BIRC3: variants seen among roughly 807,000 people sequenced by gnomAD.
BIRC3 encodes baculoviral IAP repeat-containing protein 3.
Under a neutral mutation model 59.0 loss-of-function variants are expected in BIRC3, and 26 were observed. The ratio of observed to expected loss-of-function variants is 0.44; its 90% CI spans 0.32 to 0.61. The LOEUF is 0.61. Ranked by LOEUF, BIRC3 falls within the 20% of genes least tolerant of loss-of-function variation. The pLI is 0.04. For missense variants in BIRC3, 641 were observed against 711.5 expected (o/e 0.90, Z 1.13); for synonymous variants, 243 against 249.2 (o/e 0.98, Z 0.24).
Position 102,325,499 on chromosome 11 carries a change from A to G in BIRC3, c.887A>G (p.Asp296Gly), listed in dbSNP as rs200850963. 4 of 1,612,744 alleles carry G rather than the reference A, an allele frequency of 2.5e-6. No individual in the cohort carries two copies. Among genetic ancestry groups the G allele is most frequent in the South Asian group, 1.1e-5 (1 of 90,812 alleles). Reference protein sequence around the residue: ...NSDDVKCFCCDGGLRCWESGD... With the variant: ...NSDDVKCFCCGGGLRCWESGD... ...GATGATGTCAAATGCTTTTGCTGTG[A>G]TGGTGGACTCAGGTGTTGGGAATCT... Residue 296 changes from aspartate to glycine, a missense_variant, in exon 3 of 9, where the codon GAT becomes GGT. This residue lies in a region of BIRC3 where 329 missense variants were observed against 365.6 expected (regional missense o/e 0.90). Transcript: ENST00000263464.
At chr11:102,318,680 C>T (rs1314379499) in intron 1 of BIRC3, among the ~76,000 whole-genome samples, 1 of 152,096 alleles carries the variant, frequency 6.6e-6, no homozygotes, top group Non-Finnish European at 1.5e-5. Context: ...GGGAGGTTGC[C>T]TTCTTGGTAG....
intron 6 of BIRC3, 128 bp from the exon 7 acceptor site, chr11:102,335,838 G>A: frequency 1.1e-6 from 1 of 927,040 alleles, no homozygotes; most frequent in South Asian, 1.8e-5. Context: ...CCTAAACCTA[G>A]CAATCAACAT....
chr11:102,320,789 A>T (rs1364257104), intron 1 of BIRC3, among the ~76,000 whole-genome samples: 1 of 152,258 alleles, frequency 6.6e-6, no homozygotes, highest in Non-Finnish European at 1.5e-5. Flanking sequence ...TTCAATGACA[A>T]ATAGCAACAG....
At position 102,323,864 on chromosome 11, in the gene BIRC3, TATG is replaced by T. The variant is rs1463023740; in HGVS notation, c.-642_-640del. 9.9e-6 allele frequency: 2 copies of T among 201,018 alleles called. No individual in the cohort carries two copies. The highest frequency in any genetic ancestry group is 2.0e-5 in the Non-Finnish European group (2 of 97,776). The allele number at this position is 201,018 out of a possible 1,614,324, so 12.5% of individuals were successfully genotyped here. On this transcript the variant is annotated 5_prime_UTR_variant, in exon 2 of 9. The change abolishes an upstream ATG in the 5' untranslated region. Coordinates refer to ENST00000263464, the MANE Select transcript of BIRC3 (RefSeq NM_001165.5). ...GAAATAAAAGTGCTTCTAATTAAAA[TATG>T]ATGTCATTAATTATGAAATACTTCT...
At position 102,324,815 on chromosome 11, in the gene BIRC3, TAAC is replaced by T; in HGVS notation, c.310_312del (p.Asn104del). On this transcript the variant is annotated inframe_deletion, in exon 2 of 9. Transcript: ENST00000263464. ...GATTCGTTCAGAGTCTAAATTCCGT[TAAC>T]AACTTGGAAGCTACCTCTCAGCCTA... is the stretch of plus-strand genomic sequence containing the variant. The T allele has an allele frequency of 6.2e-7, 1 of 1,614,198 alleles. No homozygotes were observed. Among genetic ancestry groups the T allele is most frequent in the South Asian group, 1.1e-5 (1 of 91,082 alleles).
chr11:102,335,737 C>T (rs1432230516), intron 6 of BIRC3, among the ~76,000 whole-genome samples: 1 of 152,086 alleles, frequency 6.6e-6, no homozygotes, highest in Non-Finnish European at 1.5e-5. Context: ...CTACCTCAGC[C>T]TCCCAAGTAG....
At chr11:102,328,238 C>T (rs1951104365) in intron 4 of BIRC3, 108 bp downstream of exon 4, 2 of 844,816 alleles carry the variant, frequency 2.4e-6, no homozygotes, top group South Asian at 1.6e-5. Context: ...TTTAGAAATA[C>T]ATTTTCTTTT....
At position 102,328,951 on chromosome 11, in the gene BIRC3, T is replaced by G. The variant is rs1951112585; in HGVS notation, c.1081+6T>G. Reference sequence around the variant, plus strand: ...TGAAAATGCAGAGTCATCAAGTAAGTACAATGGATAATAATGAATGCATTT... The same window carrying G: ...TGAAAATGCAGAGTCATCAAGTAAGGACAATGGATAATAATGAATGCATTT... On this transcript the variant is annotated splice_donor_region_variant and intron_variant, in intron 5 of 8. Transcript: ENST00000263464. 2.7e-6 allele frequency: 4 copies of G among 1,459,690 alleles called. No individual in the cohort carries two copies. Among genetic ancestry groups the G allele is most frequent in the Non-Finnish European group, 3.6e-6 (4 of 1,104,010 alleles). The allele number at this position is 1,459,690 out of a possible 1,614,324, so 90.4% of individuals were successfully genotyped here.
At position 102,323,838 on chromosome 11, in the gene BIRC3, A is replaced by C. The variant is rs1029220875; in HGVS notation, c.-672A>C. 3 of 200,818 alleles carry C rather than the reference A, an allele frequency of 1.5e-5. No individual in the cohort carries two copies. The highest frequency in any genetic ancestry group is 3.1e-5 in the Non-Finnish European group (3 of 97,648). The allele number at this position is 200,818 out of a possible 1,614,324, so 12.4% of individuals were successfully genotyped here. On this transcript the variant is annotated 5_prime_UTR_variant, in exon 2 of 9. Coordinates refer to ENST00000263464, the MANE Select transcript of BIRC3 (RefSeq NM_001165.5). Reference sequence around the variant, plus strand: ...CTTACCATTATTTTACGTACCTCTAAGAAATAAAAGTGCTTCTAATTAAAA... The same window carrying C: ...CTTACCATTATTTTACGTACCTCTACGAAATAAAAGTGCTTCTAATTAAAA...
chr11:102,327,724 A>G (rs983023800), intron 3 of BIRC3, among the ~76,000 whole-genome samples: 4 of 152,208 alleles, frequency 2.6e-5, no homozygotes, highest in African/African-American at 9.6e-5. Flanking sequence ...TGTATGAAAA[A>G]TGTTGACTGT....
Position 102,325,522 on chromosome 11 carries a change from T to A in BIRC3, c.910T>A (p.Ser304Thr). 3 of 1,613,100 alleles carry A rather than the reference T, an allele frequency of 1.9e-6. No individual in the cohort carries two copies. Among genetic ancestry groups the A allele is most frequent in the Non-Finnish European group, 2.5e-6 (3 of 1,179,368 alleles). ...TGATGGTGGACTCAGGTGTTGGGAA[T>A]CTGGAGATGATCCATGGGTTCAACA... Reference protein sequence around the residue: ...CCDGGLRCWESGDDPWVQHAK... With the variant: ...CCDGGLRCWETGDDPWVQHAK... The change falls in exon 3 of 9, where the codon TCT (serine) becomes ACT (threonine). Residue 304 changes from serine to threonine, a missense_variant. By Grantham distance (58) the Ser-to-Thr change is moderately conservative (BLOSUM62 1). This residue lies in a region of BIRC3 where 329 missense variants were observed against 365.6 expected (regional missense o/e 0.90). Transcript: ENST00000263464.
chr11:102,331,047 T>G lies in BIRC3; in HGVS notation c.1130T>G (p.Met377Arg), dbSNP rs768458534. ...GACCATTCAGAAGATGCAATCATGA[T>G]GAATACTCCTGTGATTAATGCTGCC... ...GEDHSEDAIM[M>R]NTPVINAAVE... The change falls in exon 6 of 9, where the codon ATG (methionine) becomes AGG (arginine). Residue 377 changes from methionine to arginine, a missense_variant. By Grantham distance (91) the Met-to-Arg change is moderately conservative (BLOSUM62 -1). Coordinates refer to ENST00000263464, the MANE Select transcript of BIRC3 (RefSeq NM_001165.5). 11 of 1,613,708 alleles carry G rather than the reference T, an allele frequency of 6.8e-6. No individual in the cohort carries two copies. Among genetic ancestry groups the G allele is most frequent in the Non-Finnish European group, 9.3e-6 (11 of 1,179,838 alleles).
intron 1 of BIRC3, among the ~76,000 whole-genome samples, chr11:102,318,197 A>G (rs1591517211): frequency 6.6e-6 from 1 of 152,160 alleles, no homozygotes; most frequent in East Asian, 1.9e-4. Flanking sequence ...CTTTACATGT[A>G]TTTTTCACGT....
rs1951055192 is a variant in BIRC3, at chr11:102,323,794, A to C, written c.-716A>C. On this transcript the variant is annotated 5_prime_UTR_variant, in exon 2 of 9. Coordinates refer to ENST00000263464, the MANE Select transcript of BIRC3 (RefSeq NM_001165.5). The stretch of plus-strand genomic sequence containing the variant: ...ATATATCATATTTCACTGAATTCAA[A>C]ATGTCTTCAGTTGTAAATCTTACCA... The C allele has an allele frequency of 5.0e-6, 1 of 200,588 alleles. No homozygotes were observed. The highest frequency in any genetic ancestry group is 1.9e-4 in the South Asian group (1 of 5,246). 12.4% of individuals were successfully genotyped at this position (200,588 alleles called of 1,614,324 possible). A position where few individuals can be genotyped will look rare whatever the true frequency, so the allele number is the denominator to read the frequency against.
chr11:102,337,990 C>G lies in BIRC3; in HGVS notation c.*888C>G, dbSNP rs1951214602. On this transcript the variant is annotated 3_prime_UTR_variant, in exon 9 of 9. Transcript: ENST00000263464. ...ATTGATTCATTCAAGAAGTCTCATG[C>G]CAGCCCCACCTATTGGAAGAAGGTC... 8.8e-6 allele frequency: 2 copies of G among 226,084 alleles called. No homozygotes were observed. The highest frequency in any genetic ancestry group is 1.3e-4 in the East Asian group (2 of 15,610). 14.0% of individuals were successfully genotyped at this position (226,084 alleles called of 1,614,324 possible).
intron 5 of BIRC3, among the ~76,000 whole-genome samples, chr11:102,329,299 A>C (rs1038740928): frequency 6.6e-6 from 1 of 152,298 alleles, no homozygotes; most frequent in East Asian, 1.9e-4. Context: ...TTGCTCACAT[A>C]TTCTTTCTGT....
intron 4 of BIRC3, 30 bp downstream of exon 4, chr11:102,328,160 T>C (rs1415044640): frequency 1.3e-6 from 2 of 1,564,448 alleles, no homozygotes; most frequent in Non-Finnish European, 1.8e-6. Flanking sequence ...TAAATATTGG[T>C]TGCCATCAGA....
rs975214158 is a variant in BIRC3 at position 102,339,302 on chromosome 11, A to G, written c.*2200A>G. 2 of 185,534 alleles carry G rather than the reference A, an allele frequency of 1.1e-5. No individual in the cohort carries two copies. The allele number at this position is 185,534 out of a possible 1,614,324, so 11.5% of individuals were successfully genotyped here. A position where few individuals can be genotyped will look rare whatever the true frequency, so the allele number is the denominator to read the frequency against. ...CTTTTGTTCATTTCTCATTATGGTA[A>G]TAAATAGCTATTATAACCAACCCAT... On this transcript the variant is annotated 3_prime_UTR_variant, in exon 9 of 9. Coordinates refer to ENST00000263464, the MANE Select transcript of BIRC3 (RefSeq NM_001165.5).
chr11:102,325,281 C>T lies in BIRC3; in HGVS notation c.772C>T (p.Arg258Cys). 1.9e-6 allele frequency: 3 copies of T among 1,614,078 alleles called. No individual in the cohort carries two copies. The highest frequency in any genetic ancestry group is 2.5e-6 in the Non-Finnish European group (3 of 1,180,006). Residue 258 changes from arginine to cysteine, a missense_variant, in exon 2 of 9, where the codon CGC (arginine) becomes TGC (cysteine). Physicochemically the swap from Arg to Cys is radical, Grantham distance 180. Coordinates refer to ENST00000263464, the MANE Select transcript of BIRC3 (RefSeq NM_001165.5). Reference protein sequence around the residue: ...SNLSMQTHAARFKTFFNWPSS... With the variant: ...SNLSMQTHAACFKTFFNWPSS... Reference sequence around the variant, plus strand: ...TCTGAGCATGCAGACACATGCAGCCCGCTTTAAAACATTCTTTAACTGGCC... The same window carrying T: ...TCTGAGCATGCAGACACATGCAGCCTGCTTTAAAACATTCTTTAACTGGCC...
Sources: gnomAD v4.1 joint callset for allele counts (sites outside exome capture counted in the v4.1 genomes callset) on GRCh38, gnomAD v4.1.1 for gene constraint, gnomAD v4.1.1 regional missense constraint, MANE v1.5 for transcripts, NCBI Gene and HGNC (gene_info 2026-07-23, HGNC 2026-07-21) for gene names.